SPATA17: variants seen among roughly 807,000 people sequenced by gnomAD.
SPATA17 encodes the protein spermatogenesis-associated protein 17.
A neutral mutation model predicts 62.2 loss-of-function variants in SPATA17; 53 were observed. That is an observed-to-expected ratio of 0.85 (90% CI 0.68 to 1.07). The LOEUF (loss-of-function observed/expected upper bound fraction) is 1.07. SPATA17 is among the 50% of genes least tolerant of loss of function. The pLI is 0.00. For missense variants in SPATA17, 466 were observed against 425.5 expected (o/e 1.10, Z -0.84); for synonymous variants, 146 against 146.8 (o/e 0.99, Z 0.04).
At chr1:217,862,744 T>G (rs199750135) in intron 9 of SPATA17, 30 bp from the exon 10 acceptor site, 1 of 1,436,600 alleles carries the variant, frequency 7.0e-7, no homozygotes, top group African/African-American at 1.4e-5. Context: ...TGAAGATCTC[T>G]GTGGTAATCT....
At chr1:217,859,343 C>T (rs1048402565) in intron 9 of SPATA17, among the ~76,000 whole-genome samples, 1 of 149,074 alleles carries the variant, frequency 6.7e-6, no homozygotes, top group Non-Finnish European at 1.5e-5. Flanking sequence ...ATGTAATTTT[C>T]TATATATATA....
At chr1:217,818,146 C>A (rs1356747543) in intron 9 of SPATA17, among the ~76,000 whole-genome samples, 1 of 151,998 alleles carries the variant, frequency 6.6e-6, no homozygotes. Context: ...ATTATTCTTA[C>A]AGTACTATTT....
At chr1:217,736,276 A>G (rs1195860057) in intron 5 of SPATA17, among the ~76,000 whole-genome samples, 2 of 152,194 alleles carry the variant, frequency 1.3e-5, no homozygotes, top group Non-Finnish European at 2.9e-5. Context: ...ATTCATAGAC[A>G]TAAACCTACA....
Position 217,832,855 on chromosome 1 carries a change from A to C in SPATA17, c.1006-29919A>C, listed in dbSNP as rs181446964. ...CTACTTGAGAGGCCGACATGGGAGG[A>C]TCACCTGATCCTGGGGAGATCGAGG... On this transcript the variant is annotated intron_variant, in intron 9 of 10. Coordinates refer to ENST00000366933, the MANE Select transcript of SPATA17 (RefSeq NM_138796.4). Among the ~76,000 whole-genome samples, 168 of 152,016 alleles carry C rather than the reference A, an allele frequency of 1.1e-3. 1 individual carries two copies. Among genetic ancestry groups the C allele is most frequent in the African/African-American group, 4.0e-3 (167 of 41,498 alleles).
chr1:217,798,837 A>G (rs1379148364), intron 8 of SPATA17, among the ~76,000 whole-genome samples: 1 of 152,028 alleles, frequency 6.6e-6, no homozygotes, highest in Non-Finnish European at 1.5e-5. Flanking sequence ...GATAGGAGAC[A>G]ATATAAGCAC....
At chr1:217,709,240 C>G (rs1271679445) in intron 5 of SPATA17, among the ~76,000 whole-genome samples, 1 of 152,164 alleles carries the variant, frequency 6.6e-6, no homozygotes, top group Non-Finnish European at 1.5e-5. Flanking sequence ...CAGTTTGAAA[C>G]TATAAATATT....
In SPATA17 at chr1:217,870,879, A is replaced by G. The variant is rs979221797; in HGVS notation, c.*3860A>G. On this transcript the variant is annotated 3_prime_UTR_variant, in exon 11 of 11. Coordinates refer to ENST00000366933, the MANE Select transcript of SPATA17 (RefSeq NM_138796.4). Reference sequence around the variant, plus strand: ...ATAAATGCCCTGGACCCAACATCTAACAGAATACCTGGCATAAAGTGAAAT... The same window carrying G: ...ATAAATGCCCTGGACCCAACATCTAGCAGAATACCTGGCATAAAGTGAAAT... The G allele has an allele frequency of 1.4e-4, 22 of 152,176 alleles. No individual in the cohort carries two copies. Among genetic ancestry groups the G allele is most frequent in the African/African-American group, 5.3e-4 (22 of 41,456 alleles). 9.4% of individuals were successfully genotyped at this position (152,176 alleles called of 1,614,324 possible). A position where few individuals can be genotyped will look rare whatever the true frequency, so the allele number is the denominator to read the frequency against.
intron 1 of SPATA17, among the ~76,000 whole-genome samples, chr1:217,646,751 C>A (rs1294246365): frequency 6.6e-6 from 1 of 152,000 alleles, no homozygotes. Flanking sequence ...AAAAATTAAC[C>A]AGGCATGGTG....
intron 9 of SPATA17, among the ~76,000 whole-genome samples, chr1:217,851,052 TAATA>T (rs1675654427): frequency 4.6e-5 from 7 of 152,192 alleles, no homozygotes; most frequent in Admixed American, 3.3e-4. Flanking sequence ...ACTAAGAACT[TAATA>T]AATATTTGCT....
intron 5 of SPATA17, among the ~76,000 whole-genome samples, chr1:217,737,600 G>A (rs1037175671): frequency 3.2e-4 from 49 of 152,202 alleles, no homozygotes; most frequent in Admixed American, 2.6e-3. Context: ...GTCATTGATT[G>A]AATCCAGGCT....
intron 6 of SPATA17, among the ~76,000 whole-genome samples, chr1:217,766,415 C>T (rs1673302251): frequency 6.6e-6 from 1 of 151,944 alleles, no homozygotes; most frequent in Admixed American, 6.6e-5. Flanking sequence ...CATCCAACTC[C>T]ACTTTCAAGT....
chr1:217,852,689 A>G (rs1675693888), intron 9 of SPATA17, among the ~76,000 whole-genome samples: 1 of 152,164 alleles, frequency 6.6e-6, no homozygotes, highest in Admixed American at 6.5e-5. Flanking sequence ...CCCCCAAAAA[A>G]TCATAGAGCA....
chr1:217,799,555 T>C (rs1016398311), intron 8 of SPATA17, among the ~76,000 whole-genome samples: 1 of 152,172 alleles, frequency 6.6e-6, no homozygotes, highest in African/African-American at 2.4e-5. Flanking sequence ...TAATACATGC[T>C]TCTGTAACTT....
chr1:217,678,264 A>C (rs988169546), intron 4 of SPATA17, among the ~76,000 whole-genome samples: 1 of 132,292 alleles, frequency 7.6e-6, no homozygotes, highest in Non-Finnish European at 1.5e-5. Flanking sequence ...GCTGGAGTGC[A>C]GTGGCACAGT....
chr1:217,699,995 A>T (rs1175569963), intron 5 of SPATA17, among the ~76,000 whole-genome samples: 1 of 152,058 alleles, frequency 6.6e-6, no homozygotes, highest in Non-Finnish European at 1.5e-5. Context: ...CTATTTTTGG[A>T]CTTTCCCTTC....
At chr1:217,734,097 A>G (rs534325163) in intron 5 of SPATA17, among the ~76,000 whole-genome samples, 1 of 152,206 alleles carries the variant, frequency 6.6e-6, no homozygotes, top group Non-Finnish European at 1.5e-5. Flanking sequence ...CAGATAATCT[A>G]TTCCATGGTT....
chr1:217,792,472 T>C (rs924729101), intron 8 of SPATA17, among the ~76,000 whole-genome samples: 8 of 152,204 alleles, frequency 5.3e-5, no homozygotes, highest in African/African-American at 1.9e-4. Context: ...TTCTACTGAC[T>C]AGCTTAACTG....
intron 5 of SPATA17, among the ~76,000 whole-genome samples, chr1:217,694,482 G>A (rs1400166667): frequency 2.2e-5 from 3 of 138,430 alleles, no homozygotes; most frequent in African/African-American, 8.2e-5. Context: ...GGAGAATTTA[G>A]TCCATTTACA....
chr1:217,857,042 C>A (rs1221828773), intron 9 of SPATA17, among the ~76,000 whole-genome samples: 1 of 152,100 alleles, frequency 6.6e-6, no homozygotes, highest in Non-Finnish European at 1.5e-5. Context: ...GTAGAAAAAT[C>A]TTTGCCATAT....
Sources: allele counts gnomAD v4.1 joint callset (sites outside exome capture counted in the v4.1 genomes callset), GRCh38; gene constraint gnomAD v4.1.1; transcripts MANE v1.5; gene names NCBI Gene and HGNC (gene_info 2026-07-23, HGNC 2026-07-21).